Variants in CPA6 observed in about 807,000 individuals in gnomAD.
The protein encoded by CPA6 is carboxypeptidase B.
A neutral mutation model predicts 63.3 loss-of-function variants in CPA6; 58 were observed. The observed-to-expected ratio is 0.92, with a 90% CI of 0.74 to 1.14. The LOEUF (loss-of-function observed/expected upper bound fraction) is 1.14. Among genes scored for constraint, CPA6 ranks in the 50% most tolerant of loss-of-function variants. The pLI, the probability that CPA6 is intolerant of heterozygous loss-of-function variation, is 0.00. For missense variants in CPA6, 565 were observed against 526.6 expected (o/e 1.07, Z -0.71); for synonymous variants, 185 against 179.0 (o/e 1.03, Z -0.27).
At chr8:67,484,832 A>G (rs1811443125) in intron 6 of CPA6, 43 bp from the exon 7 acceptor site, 2 of 1,018,988 alleles carry the variant, frequency 2.0e-6, no homozygotes, top group Admixed American at 1.9e-5. Context: ...TTGGTCCCCA[A>G]AAGAGGAAAA....
At chr8:67,530,217 GAAA>G (rs3055690) in intron 2 of CPA6, among the ~76,000 whole-genome samples, 46,452 of 138,180 alleles carry the variant, frequency 0.34, 7,482 homozygotes, top group South Asian at 0.43. Context: ...AAAAAGACAG[GAAA>G]AAAAAAAAAA....
At chr8:67,737,789 A>C (rs1451547952) in intron 1 of CPA6, among the ~76,000 whole-genome samples, 1 of 152,226 alleles carries the variant, frequency 6.6e-6, no homozygotes, top group African/African-American at 2.4e-5. Context: ...TCTAGAGAAT[A>C]GGAAAGGGTA....
intron 8 of CPA6, among the ~76,000 whole-genome samples, chr8:67,464,987 A>T (rs1026738835): frequency 6.6e-6 from 1 of 152,108 alleles, no homozygotes; most frequent in Non-Finnish European, 1.5e-5. Context: ...GCTGTGGCTA[A>T]TCAGGCTCCT....
At chr8:67,684,276 A>G (rs1413725664) in intron 1 of CPA6, among the ~76,000 whole-genome samples, 2 of 151,952 alleles carry the variant, frequency 1.3e-5, no homozygotes, top group Non-Finnish European at 2.9e-5. Flanking sequence ...AGCTTGTCTT[A>G]CACATCATCA....
At chr8:67,650,943 G>T (rs2128991363) in intron 1 of CPA6, among the ~76,000 whole-genome samples, 1 of 152,204 alleles carries the variant, frequency 6.6e-6, no homozygotes, top group African/African-American at 2.4e-5. Flanking sequence ...TTCTGAGGCT[G>T]CAGATTTTTG....
chr8:67,576,453 A>G (rs1353485409), intron 2 of CPA6, among the ~76,000 whole-genome samples: 1 of 152,214 alleles, frequency 6.6e-6, no homozygotes, highest in Non-Finnish European at 1.5e-5. Flanking sequence ...ATAGACATAA[A>G]TCCCACTGCT....
chr8:67,426,409 G>T (rs1809885523), intron 10 of CPA6, among the ~76,000 whole-genome samples: 1 of 151,690 alleles, frequency 6.6e-6, no homozygotes, highest in African/African-American at 2.4e-5. Flanking sequence ...TATTATGTTG[G>T]CATTAATTGG....
In CPA6 at chr8:67,556,631, G is replaced by C. The variant is rs961038519; in HGVS notation, c.193-38584C>G. Among the ~76,000 whole-genome samples, 5 of 152,280 alleles carry C rather than the reference G, an allele frequency of 3.3e-5. No individual in the cohort carries two copies. In the East Asian group the frequency reaches 9.6e-4, roughly 29 times the overall value. Reference sequence around the variant, plus strand: ...AGTCTACTTTCAGCTTAGTTACACTGACACATACGAAAGCACCCCAGCTAT... The same window carrying C: ...AGTCTACTTTCAGCTTAGTTACACTCACACATACGAAAGCACCCCAGCTAT... On this transcript the variant is annotated intron_variant, in intron 2 of 10. Transcript: ENST00000297770.
intron 2 of CPA6, among the ~76,000 whole-genome samples, chr8:67,582,270 A>G (rs943334743): frequency 1.3e-5 from 2 of 152,152 alleles, no homozygotes; most frequent in African/African-American, 4.8e-5. Flanking sequence ...GGGATGGCTG[A>G]TAGATTTGTA....
At chr8:67,443,111 G>A (rs563245940) in intron 8 of CPA6, among the ~76,000 whole-genome samples, 1 of 151,428 alleles carries the variant, frequency 6.6e-6, no homozygotes, top group South Asian at 2.1e-4. Flanking sequence ...CACCCAGGCT[G>A]GAGTGTGGTG....
chr8:67,562,112 GT>G (rs948831427), intron 2 of CPA6, among the ~76,000 whole-genome samples: 15 of 152,174 alleles, frequency 9.9e-5, no homozygotes, highest in Non-Finnish European at 1.8e-4. Context: ...CTGAGATGTG[GT>G]CTTCTGCAGA....
chr8:67,658,751 AC>A (rs1464852534), intron 1 of CPA6, among the ~76,000 whole-genome samples: 12 of 152,120 alleles, frequency 7.9e-5, no homozygotes, highest in Non-Finnish European at 1.5e-4. Flanking sequence ...AAAAATCCAG[AC>A]CCCTAAGCCA....
At chr8:67,597,201 T>C (rs1219646328) in intron 2 of CPA6, among the ~76,000 whole-genome samples, 5 of 148,144 alleles carry the variant, frequency 3.4e-5, no homozygotes, top group Non-Finnish European at 4.5e-5. Flanking sequence ...TGTGTCTCTT[T>C]TTTTTTTTTT....
intron 9 of CPA6, among the ~76,000 whole-genome samples, chr8:67,431,282 C>T (rs978264087): frequency 6.6e-6 from 1 of 152,170 alleles, no homozygotes; most frequent in Middle Eastern, 3.4e-3. Flanking sequence ...CTCTGTTGCC[C>T]AGGCTGGAAT....
chr8:67,443,413 C>G (rs775867173), intron 8 of CPA6, among the ~76,000 whole-genome samples: 24 of 152,116 alleles, frequency 1.6e-4, no homozygotes, highest in Non-Finnish European at 3.4e-4. Context: ...GTGTTTCCTT[C>G]GAATACATCT....
intron 10 of CPA6, among the ~76,000 whole-genome samples, chr8:67,427,265 C>G (rs915906187): frequency 1.3e-5 from 2 of 152,152 alleles, no homozygotes; most frequent in African/African-American, 4.8e-5. Context: ...TTCCTAGTGA[C>G]TCCCCTAGAA....
Position 67,434,068 on chromosome 8 carries a change from T to A in CPA6, c.1011A>T (p.Lys337Asn). The change falls in exon 9 of 11, where the codon AAA becomes AAT. Residue 337 changes from lysine to asparagine, a missense_variant. Physicochemically the swap from Lys to Asn is moderately conservative, Grantham distance 94. Coordinates refer to ENST00000297770, the MANE Select transcript of CPA6 (RefSeq NM_020361.5). ...AQMLLYPYSY[K>N]YATIPNFRCV... ...ATCTAAAATTGGGAATTGTTGCATATTTGTAAGAATAGGGATACAGTAACA... is the reference window on the plus strand; with the variant it reads ...ATCTAAAATTGGGAATTGTTGCATAATTGTAAGAATAGGGATACAGTAACA... 6.2e-7 allele frequency: 1 copy of A among 1,613,302 alleles called. No homozygotes were observed.
chr8:67,666,523 A>C (rs1169094278), intron 1 of CPA6, among the ~76,000 whole-genome samples: 1 of 152,142 alleles, frequency 6.6e-6, no homozygotes, highest in Non-Finnish European at 1.5e-5. Flanking sequence ...TGGAACCCAA[A>C]CAGAAAGTTC....
intron 8 of CPA6, among the ~76,000 whole-genome samples, chr8:67,475,823 T>TC (rs1811182728): frequency 2.2e-5 from 1 of 45,966 alleles, no homozygotes; most frequent in African/African-American, 1.0e-4. Context: ...CTTTCCTTTC[T>TC]TTTCTTTCTT....
Sources: gnomAD v4.1 joint callset for allele counts (sites outside exome capture counted in the v4.1 genomes callset) on GRCh38, gnomAD v4.1.1 for gene constraint, MANE v1.5 for transcripts, NCBI Gene and HGNC (gene_info 2026-07-23, HGNC 2026-07-21) for gene names.